DISP3: variants seen among roughly 807,000 people sequenced by gnomAD.
DISP3 encodes the protein dispatched RND transporter family member 3, also known as protein dispatched homolog 3.
DISP3 carries 101 observed loss-of-function variants against 135.3 expected under a neutral mutation model. The ratio of observed to expected loss-of-function variants is 0.75; its 90% CI spans 0.64 to 0.88. The LOEUF is 0.88. DISP3 is among the 40% of genes least tolerant of loss of function. The pLI is 0.00. For missense variants in DISP3, 1,713 were observed against 1,878.6 expected (o/e 0.91, Z 1.63); for synonymous variants, 856 against 817.0 (o/e 1.05, Z -0.81).
At position 11,483,549 on chromosome 1, in the gene DISP3, C is replaced by A. The variant is rs1570047730; in HGVS notation, c.-4+4177C>A. Among the ~76,000 whole-genome samples, 2 of 152,194 alleles carry A rather than the reference C, an allele frequency of 1.3e-5. No homozygotes were observed. Among genetic ancestry groups the A allele is most frequent in the South Asian group, 4.1e-4 (2 of 4,832 alleles). On this transcript the variant is annotated intron_variant, in intron 1 of 20. Transcript: ENST00000294484. The surrounding 1 kb of genome is among the most constrained non-coding windows in gnomAD (Gnocchi z 5.4). ...ATTTTGATCTGAATGAAGCAAAAAC[C>A]CCCATTTTGCCAAGTACCCTGTATT...
rs1640964228 is a variant in DISP3 at position 11,483,727 on chromosome 1, A to T, written c.-4+4355A>T. Among the ~76,000 whole-genome samples the T allele has an allele frequency of 6.6e-6, 1 of 152,196 alleles. No homozygotes were observed. Among genetic ancestry groups the T allele is most frequent in the African/African-American group, 2.4e-5 (1 of 41,446 alleles). On this transcript the variant is annotated intron_variant, in intron 1 of 20. Transcript: ENST00000294484. The surrounding 1 kb of genome is among the most constrained non-coding windows in gnomAD (Gnocchi z 5.4). ...CATCAGTCAGTGGCCTGGGCTGGGT[A>T]CTCAAGGCTTCTGAGCCATGGCTGG...
At position 11,515,352 on chromosome 1, in the gene DISP3, T is replaced by C. The variant is rs765215962; in HGVS notation, c.1454-17T>C. The C allele has an allele frequency of 6.2e-6, 10 of 1,614,020 alleles. No homozygotes were observed. Among genetic ancestry groups the C allele is most frequent in the South Asian group, 3.3e-5 (3 of 91,090 alleles). ...AGGGTCCCCCCACCGTCTCCCTGTG[T>C]CTCTTACCCTGCCCAGTGTTCCTGT... On this transcript the variant is annotated splice_polypyrimidine_tract_variant and intron_variant, in intron 4 of 20. Transcript: ENST00000294484.
chr1:11,497,795 TA>T (rs1161092558), intron 1 of DISP3, among the ~76,000 whole-genome samples: 2 of 152,200 alleles, frequency 1.3e-5, no homozygotes, highest in African/African-American at 4.8e-5. Context: ...CTCAGAATAA[TA>T]GTCTCTAATC....
intron 13 of DISP3, among the ~76,000 whole-genome samples, chr1:11,527,657 C>T (rs746411659): frequency 1.1e-4 from 17 of 152,280 alleles, no homozygotes; most frequent in African/African-American, 3.4e-4. Context: ...GAGACGGGCC[C>T]GGGAGCTGCT....
chr1:11,530,476 C>A (rs1315291158), intron 15 of DISP3, among the ~76,000 whole-genome samples: 1 of 152,138 alleles, frequency 6.6e-6, no homozygotes, highest in Non-Finnish European at 1.5e-5. Flanking sequence ...ACGGGAATGG[C>A]AGCCATGGAG....
chr1:11,511,834 G>A (rs181552218), intron 3 of DISP3, among the ~76,000 whole-genome samples: 1 of 152,354 alleles, frequency 6.6e-6, no homozygotes, highest in East Asian at 1.9e-4. Flanking sequence ...AAACTTTTGT[G>A]TGGGCATTCA....
At chr1:11,487,136 CAAG>C (rs1641057707) in intron 1 of DISP3, among the ~76,000 whole-genome samples, 9 of 152,200 alleles carry the variant, frequency 5.9e-5, no homozygotes, top group Admixed American at 4.6e-4. Flanking sequence ...GGCCTGACCC[CAAG>C]TATGGACAAA....
chr1:11,519,877 G>A lies in DISP3; in HGVS notation c.2197G>A (p.Val733Met), dbSNP rs1247477341. 2.5e-6 allele frequency: 4 copies of A among 1,605,640 alleles called. No homozygotes were observed. Among genetic ancestry groups the A allele is most frequent in the South Asian group, 1.1e-5 (1 of 90,806 alleles). The change falls in exon 9 of 21, where the codon GTG (valine) becomes ATG (methionine). Residue 733 changes from valine (V) to methionine (M), a missense_variant. Around this residue, in one of 2 missense-constraint regions of DISP3, gnomAD observed 1,142 missense variants for 1,384.6 expected, o/e 0.82. Transcript: ENST00000294484. This position sits in a 1 kb window ranked among gnomAD's most constrained non-coding sequence, Gnocchi z 4.3. ...AGCCGTCAAGAGCCGCTGGGTGATT[G>A]TGGGTAAGTGGGCCCTCCGGCCCTG... ...WSAVKSRWVI[V>M]GLFVSILILS...
At chr1:11,488,602 C>CTAAGCTGTG (rs1165973067) in intron 1 of DISP3, among the ~76,000 whole-genome samples, 1 of 151,896 alleles carries the variant, frequency 6.6e-6, no homozygotes, top group Non-Finnish European at 1.5e-5. Context: ...AGCGCTGTAC[C>CTAAGCTGTG]TAAGCTGTGA....
At chr1:11,513,606 T>A (rs566394269) in intron 3 of DISP3, among the ~76,000 whole-genome samples, 13 of 142,242 alleles carry the variant, frequency 9.1e-5, no homozygotes, top group Non-Finnish European at 1.9e-4. Flanking sequence ...TGCATTGCAG[T>A]TTTTTTGTGC....
In DISP3 at chr1:11,536,331, G is replaced by A. The variant is rs759132785; in HGVS notation, c.3824G>A (p.Arg1275Gln). 20 of 1,599,310 alleles carry A rather than the reference G, an allele frequency of 1.3e-5. No individual in the cohort carries two copies. The highest frequency in any genetic ancestry group is 2.2e-5 in the East Asian group (1 of 44,846). The change falls in exon 21 of 21, where the codon CGA becomes CAA. Residue 1275 changes from arginine (R) to glutamine (Q), a missense_variant. Arg to Gln is a conservative substitution (Grantham distance 43). Around this residue, in one of 2 missense-constraint regions of DISP3, gnomAD observed 1,142 missense variants for 1,384.6 expected, o/e 0.82. Transcript: ENST00000294484. The surrounding 1 kb of genome is among the most constrained non-coding windows in gnomAD (Gnocchi z 4.3). ...NLPPHQAEDARTQRQWRTLEA... is the reference protein window; with the variant it reads ...NLPPHQAEDAQTQRQWRTLEA... ...CTCTCCTCTTGCCCCCAGGACGCCC[G>A]AACGCAGCGCCAGTGGCGTACGCTG...
At chr1:11,526,894 T>A in intron 13 of DISP3, 59 bp downstream of exon 13, 5 of 1,522,642 alleles carry the variant, frequency 3.3e-6, no homozygotes, top group Non-Finnish European at 3.5e-6. Context: ...TTTGCCCTTT[T>A]CTCTCTTTTC....
At chr1:11,523,655 A>G (rs3895166) in intron 10 of DISP3, among the ~76,000 whole-genome samples, 61,012 of 125,330 alleles carry the variant, frequency 0.49, 18,852 homozygotes, top group Non-Finnish European at 0.65. Context: ...CAGAGACAGC[A>G]AGCAGGGGGC....
chr1:11,529,614 C>A lies in DISP3; in HGVS notation c.2857C>A (p.Pro953Thr), dbSNP rs372621187. The A allele has an allele frequency of 1.2e-5, 20 of 1,608,514 alleles. No homozygotes were observed. The highest frequency in any genetic ancestry group is 1.6e-5 in the Non-Finnish European group (19 of 1,175,920). The change falls in exon 14 of 21, where the codon CCC becomes ACC. Residue 953 changes from proline to threonine, a missense_variant. This residue lies in a region of DISP3 where 1,142 missense variants were observed against 1,384.6 expected (regional missense o/e 0.82). Coordinates refer to ENST00000294484, the MANE Select transcript of DISP3 (RefSeq NM_020780.2). The surrounding 1 kb of genome is among the most constrained non-coding windows in gnomAD (Gnocchi z 4.7). ...PPFHGRVCMA[P>T]PGCLLSSSPD... The stretch of plus-strand genomic sequence containing the variant: ...CTTCCACGGGCGCGTATGCATGGCA[C>A]CCCCTGGCTGCCTGCTTAGCTCCAG...
chr1:11,496,284 GAT>G (rs1317096510), intron 1 of DISP3, among the ~76,000 whole-genome samples: 1 of 152,150 alleles, frequency 6.6e-6, no homozygotes, highest in Non-Finnish European at 1.5e-5. Flanking sequence ...TGGTTTCGTG[GAT>G]ATGCATCCAC....
chr1:11,522,967 A>AGAGCCCAGCCAGGACCCAGCCC, intron 10 of DISP3, among the ~76,000 whole-genome samples: 1 of 151,132 alleles, frequency 6.6e-6, no homozygotes, highest in African/African-American at 2.4e-5. Context: ...GGACCCAGCC[A>AGAGCCCAGCCAGGACCCAGCCC]GGACCCAGCC....
In DISP3 at chr1:11,500,340, G is replaced by A. The variant is rs74640995; in HGVS notation, c.-3-650G>A. ...GCCGGGAGCAGGGAAATCTGCTTAC[G>A]TGACTGATAACTAACATACTACACA... is the stretch of plus-strand genomic sequence containing the variant. On this transcript the variant is annotated intron_variant, in intron 1 of 20. Coordinates refer to ENST00000294484, the MANE Select transcript of DISP3 (RefSeq NM_020780.2). Among the ~76,000 whole-genome samples the A allele has an allele frequency of 9.2e-3, 1,402 of 152,366 alleles. 11 individuals are homozygous for A. Among genetic ancestry groups the A allele is most frequent in the Middle Eastern group, 0.031 (9 of 294 alleles).
rs1217247101 is a variant in DISP3, at chr1:11,501,441, G to A, written c.449G>A (p.Arg150His). Residue 150 changes from arginine (R) to histidine (H), a missense_variant, in exon 2 of 21, where the codon CGC (arginine) becomes CAC (histidine). By Grantham distance (29) the Arg-to-His change is conservative. This residue lies in a region of DISP3 where 571 missense variants were observed against 494.1 expected (regional missense o/e 1.16). Transcript: ENST00000294484. This position sits in a 1 kb window ranked among gnomAD's most constrained non-coding sequence, Gnocchi z 4.9. ...GACTTCACCTCCGAGACGCTTCAGC[G>A]CCTTATCTCAGAGCAGCTGCAGCAG... is the stretch of plus-strand genomic sequence containing the variant. ...LADFTSETLQ[R>H]LISEQLQQLH... 1.4e-5 allele frequency: 22 copies of A among 1,596,938 alleles called. No homozygotes were observed. The highest frequency in any genetic ancestry group is 1.9e-5 in the Non-Finnish European group (22 of 1,172,110).
rs1222640805 is a variant in DISP3 at position 11,499,241 on chromosome 1, C to G, written c.-3-1749C>G. ...CAACACCAACACACTGTAAACTGTA[C>G]TCCCCACAAGGCAGGCTGAGGCACG... On this transcript the variant is annotated intron_variant, in intron 1 of 20. Coordinates refer to ENST00000294484, the MANE Select transcript of DISP3 (RefSeq NM_020780.2). The surrounding 1 kb of genome is among the most constrained non-coding windows in gnomAD (Gnocchi z 5.2). Among the ~76,000 whole-genome samples the G allele has an allele frequency of 6.6e-6, 1 of 152,194 alleles. No homozygotes were observed. The highest frequency in any genetic ancestry group is 2.4e-5 in the African/African-American group (1 of 41,446).
Sources: allele counts gnomAD v4.1 joint callset (sites outside exome capture counted in the v4.1 genomes callset), GRCh38; gene constraint gnomAD v4.1.1; regional missense constraint gnomAD v4.1.1; non-coding constraint Gnocchi (gnomAD v3.1); transcripts MANE v1.5; gene names NCBI Gene and HGNC (gene_info 2026-07-23, HGNC 2026-07-21).